WDR11: variants seen among roughly 807,000 people sequenced by gnomAD.
WDR11 encodes WD repeat-containing protein 11.
Under a neutral mutation model 151.2 loss-of-function variants are expected in WDR11, and 83 were observed. The ratio of observed to expected loss-of-function variants is 0.55; its 90% CI spans 0.46 to 0.66. The LOEUF (loss-of-function observed/expected upper bound fraction) is 0.66. Ranked by LOEUF, WDR11 falls within the 30% of genes least tolerant of loss-of-function variation. The probability of loss-of-function intolerance (pLI) is 0.00; values close to 1 mark genes in which losing one functional copy is unlikely to be tolerated. For missense variants in WDR11, 1,301 were observed against 1,480.9 expected (o/e 0.88, Z 1.99); for synonymous variants, 484 against 533.1 (o/e 0.91, Z 1.27).
intron 19 of WDR11, among the ~76,000 whole-genome samples, chr10:120,894,853 G>T (rs111985564): frequency 5.1e-4 from 77 of 152,242 alleles, no homozygotes; most frequent in African/African-American, 1.8e-3. Flanking sequence ...CTCCAGATGT[G>T]AGATGATCTC....
chr10:120,872,769 A>G, intron 10 of WDR11, among the ~76,000 whole-genome samples: 1 of 152,276 alleles, frequency 6.6e-6, no homozygotes, highest in South Asian at 2.1e-4. Flanking sequence ...TTATTTTCTC[A>G]GTGCCAAAAG....
Position 120,889,936 on chromosome 10 carries a change from T to C in WDR11, c.2270T>C (p.Phe757Ser). 6.2e-7 allele frequency: 1 copy of C among 1,614,136 alleles called. No individual in the cohort carries two copies. The highest frequency in any genetic ancestry group is 8.5e-7 in the Non-Finnish European group (1 of 1,179,988). Residue 757 changes from phenylalanine to serine, a missense_variant, in exon 18 of 29, where the codon TTT becomes TCT. Phe to Ser is a radical substitution (Grantham distance 155, BLOSUM62 -2). Coordinates refer to ENST00000263461, the MANE Select transcript of WDR11 (RefSeq NM_018117.12). ...CGAAGTTGGGTGAGGAAGATTCGTT[T>C]TGCTCCTGGTAAAGGAAATCAAAAA... is the stretch of plus-strand genomic sequence containing the variant. ...THRSWVRKIR[F>S]APGKGNQKLI...
chr10:120,906,162 A>G, intron 27 of WDR11, 141 bp downstream of exon 27: 4 of 1,545,688 alleles, frequency 2.6e-6, no homozygotes, highest in Non-Finnish European at 2.6e-6. Context: ...AAAAAACCCA[A>G]AGGAGAATGG....
At chr10:120,903,271 T>C (rs1331258539) in intron 23 of WDR11, 39 bp downstream of exon 23, 2 of 1,606,686 alleles carry the variant, frequency 1.2e-6, no homozygotes, top group Admixed American at 1.7e-5. Context: ...AGAGCTGTCA[T>C]CTTGATTACT....
At chr10:120,869,105 G>GTTTTT (rs1491035622) in intron 9 of WDR11, among the ~76,000 whole-genome samples, 1 of 71,632 alleles carries the variant, frequency 1.4e-5, no homozygotes, top group African/African-American at 3.9e-5. Flanking sequence ...ATAAATTACA[G>GTTTTT]GTTTTTTTTT....
intron 14 of WDR11, among the ~76,000 whole-genome samples, chr10:120,884,835 C>T (rs1013157564): frequency 1.3e-5 from 2 of 152,264 alleles, no homozygotes; most frequent in Admixed American, 6.5e-5. Flanking sequence ...AAAAGGCCAA[C>T]AAGCCATATA....
At chr10:120,890,622 C>A in intron 18 of WDR11, 94 bp from the exon 19 acceptor site, 1 of 1,495,056 alleles carries the variant, frequency 6.7e-7, no homozygotes, top group Non-Finnish European at 9.3e-7. Flanking sequence ...TGAACTGGGC[C>A]TTTGCCACAG....
intron 2 of WDR11, among the ~76,000 whole-genome samples, chr10:120,854,975 T>C (rs910205178): frequency 6.6e-6 from 1 of 152,202 alleles, no homozygotes; most frequent in African/African-American, 2.4e-5. Flanking sequence ...TATATTGTGC[T>C]TTTTCTCATA....
At chr10:120,908,466 C>G (rs1333466146) in intron 28 of WDR11, 90 bp from the exon 29 acceptor site, 2 of 1,392,874 alleles carry the variant, frequency 1.4e-6, no homozygotes, top group Non-Finnish European at 2.0e-6. Context: ...GCCAGCAGAG[C>G]AGACGCGACT....
At chr10:120,895,289 ACATATG>A (rs1327835704) in intron 19 of WDR11, among the ~76,000 whole-genome samples, 21 of 152,184 alleles carry the variant, frequency 1.4e-4, no homozygotes, top group Non-Finnish European at 2.4e-4. Context: ...TAAAACATAT[ACATATG>A]CTATCTAAAA....
intron 12 of WDR11, 102 bp from the exon 13 acceptor site, chr10:120,880,724 G>A: frequency 1.0e-6 from 1 of 969,008 alleles, no homozygotes; most frequent in South Asian, 1.4e-5. Context: ...GAGAACAGAG[G>A]GTAGGATGGG....
chr10:120,892,585 T>A (rs1019999089), intron 19 of WDR11, among the ~76,000 whole-genome samples: 7 of 152,194 alleles, frequency 4.6e-5, no homozygotes, highest in African/African-American at 1.7e-4. Flanking sequence ...AGAAGTATAT[T>A]TGGGGCTTAC....
intron 26 of WDR11, 150 bp from the exon 27 acceptor site, chr10:120,905,726 T>C: frequency 2.2e-6 from 3 of 1,380,132 alleles, no homozygotes; most frequent in Non-Finnish European, 3.0e-6. Context: ...GTTATCATTA[T>C]TCAGAGTATG....
chr10:120,883,035 T>C (rs1209507590), intron 13 of WDR11, among the ~76,000 whole-genome samples: 1 of 152,136 alleles, frequency 6.6e-6, no homozygotes, highest in Non-Finnish European at 1.5e-5. Flanking sequence ...TTATAATCTT[T>C]AAAAATTTCC....
chr10:120,904,588 A>T, intron 24 of WDR11, 58 bp from the exon 25 acceptor site: 1 of 1,602,674 alleles, frequency 6.2e-7, no homozygotes, highest in Non-Finnish European at 8.5e-7. Flanking sequence ...TATGAATTTT[A>T]AAAAGTTATG....
At position 120,905,250 on chromosome 10, in the gene WDR11, TA is replaced by T. The variant is rs1303381675; in HGVS notation, c.3194-67del. ...GACTAGATAAGGTCAAATGGGGATTTAACTTTTTAATGACTTCTCAAAGAAG... is the reference window on the plus strand; with the variant it reads ...GACTAGATAAGGTCAAATGGGGATTTACTTTTTAATGACTTCTCAAAGAAG... On this transcript the variant is annotated intron_variant, in intron 25 of 28. Transcript: ENST00000263461. The T allele has an allele frequency of 3.1e-5, 47 of 1,503,930 alleles. No individual in the cohort carries two copies. In the East Asian group the frequency reaches 1.1e-3, roughly 34 times the overall value. The allele number at this position is 1,503,930 out of a possible 1,614,324, so 93.2% of individuals were successfully genotyped here.
chr10:120,883,843 C>A lies in WDR11; in HGVS notation c.1803C>A (p.Thr601=). 1 of 1,613,252 alleles carries A rather than the reference C, an allele frequency of 6.2e-7. No homozygotes were observed. The highest frequency in any genetic ancestry group is 1.3e-5 in the African/African-American group (1 of 74,882). The change falls in exon 14 of 29, where the codon ACC becomes ACA. Residue 601 remains threonine (T), a synonymous_variant. Coordinates refer to ENST00000263461, the MANE Select transcript of WDR11 (RefSeq NM_018117.12). ...AGCTATGGGATGTTAGGACTTGTAC[C>A]CTTCTTAGAGAGATGTCCAAAAACT... The part of the protein sequence containing the change: ...PLELWDVRTC[T]LLREMSKNFP...
intron 26 of WDR11, 154 bp from the exon 27 acceptor site, chr10:120,905,722 A>G: frequency 3.0e-6 from 4 of 1,354,324 alleles, no homozygotes; most frequent in Non-Finnish European, 4.1e-6. Flanking sequence ...GACCGTTATC[A>G]TTATTCAGAG....
At position 120,878,400 on chromosome 10, in the gene WDR11, C is replaced by T; in HGVS notation, c.1604C>T (p.Ser535Leu). 3 of 1,613,272 alleles carry T rather than the reference C, an allele frequency of 1.9e-6. No individual in the cohort carries two copies. Among genetic ancestry groups the T allele is most frequent in the Non-Finnish European group, 2.5e-6 (3 of 1,179,580 alleles). ...SLTSFLSFAT[S>L]TPNNMGLVRN... Reference sequence around the variant, plus strand: ...ACTAGTTTTCTTTCTTTTGCTACCTCAACACCAAACAATATGGGATTAGTG... The same window carrying T: ...ACTAGTTTTCTTTCTTTTGCTACCTTAACACCAAACAATATGGGATTAGTG... Residue 535 changes from serine to leucine, a missense_variant, in exon 12 of 29, where the codon TCA becomes TTA. This residue lies in a region of WDR11 where 692 missense variants were observed against 762.5 expected (regional missense o/e 0.91). Transcript: ENST00000263461.
Sources: allele counts gnomAD v4.1 joint callset (sites outside exome capture counted in the v4.1 genomes callset), GRCh38; gene constraint gnomAD v4.1.1; regional missense constraint gnomAD v4.1.1; transcripts MANE v1.5; gene names NCBI Gene and HGNC (gene_info 2026-07-23, HGNC 2026-07-21).